The following IGF1R variants were observed in gnomAD, a reference collection of about 807,000 sequenced individuals.
IGF1R encodes the protein insulin-like growth factor 1 receptor.
In IGF1R, 44 loss-of-function variants were observed where a neutral mutation model predicts 144.6. The ratio of observed to expected loss-of-function variants is 0.30; its 90% CI spans 0.24 to 0.39. The LOEUF (loss-of-function observed/expected upper bound fraction) is 0.39. IGF1R is among the 10% of genes least tolerant of loss of function. The pLI, the probability that IGF1R is intolerant of heterozygous loss-of-function variation, is 1.00. For missense variants in IGF1R, 1,355 were observed against 1,833.7 expected, an observed-to-expected ratio of 0.74 and a Z score of 4.77; for synonymous variants, 795 against 722.8, an observed-to-expected ratio of 1.10 and a Z score of -1.60.
At chr15:98,665,965 A>G (rs2052727812) in intron 1 of IGF1R, among the ~76,000 whole-genome samples, 1 of 152,226 alleles carries the variant, frequency 6.6e-6, no homozygotes. Context: ...TTGCAAGGAA[A>G]ACAAAAGTGT....
intron 1 of IGF1R, among the ~76,000 whole-genome samples, chr15:98,656,827 G>A (rs4966007): frequency 0.3 from 46,067 of 152,016 alleles, 8,287 homozygotes; most frequent in Non-Finnish European, 0.39. Flanking sequence ...CAAATTCTGC[G>A]AGTTTGAAAT....
At chr15:98,760,882 GC>G (rs1837748608) in intron 2 of IGF1R, among the ~76,000 whole-genome samples, 1 of 152,262 alleles carries the variant, frequency 6.6e-6, no homozygotes, top group East Asian at 1.9e-4. Flanking sequence ...TGGGAAAGGA[GC>G]TGTCGCTCAG....
In IGF1R at chr15:98,704,822, A is replaced by G. The variant is rs527456254; in HGVS notation, c.95-2740A>G. Among the ~76,000 whole-genome samples the G allele has an allele frequency of 6.6e-6, 1 of 152,126 alleles. No homozygotes were observed. On this transcript the variant is annotated intron_variant, in intron 1 of 20. Coordinates refer to ENST00000650285, the MANE Select transcript of IGF1R (RefSeq NM_000875.5). This position sits in a 1 kb window ranked among gnomAD's most constrained non-coding sequence, Gnocchi z 4.9. ...ACAGGGAGGAAAGACGTGGGGCAGC[A>G]TTGTGGGAAGAGCAACCAAGATTCT...
intron 2 of IGF1R, among the ~76,000 whole-genome samples, chr15:98,887,161 C>T (rs2013680450): frequency 6.6e-6 from 1 of 152,038 alleles, no homozygotes. Flanking sequence ...AAATAGCTCC[C>T]ACCACCGAAA....
chr15:98,681,191 TG>T (rs2053180570), intron 1 of IGF1R, among the ~76,000 whole-genome samples: 1 of 152,200 alleles, frequency 6.6e-6, no homozygotes. Flanking sequence ...ACTTTGGTTA[TG>T]TTAGGATTCT....
chr15:98,774,605 A>G (rs1448944588), intron 2 of IGF1R, among the ~76,000 whole-genome samples: 2 of 151,812 alleles, frequency 1.3e-5, no homozygotes, highest in Non-Finnish European at 2.9e-5. Context: ...CAAAAGGACA[A>G]ATACTCTATG....
intron 1 of IGF1R, among the ~76,000 whole-genome samples, chr15:98,683,548 A>C (rs751416346): frequency 1.3e-5 from 2 of 152,236 alleles, no homozygotes; most frequent in Non-Finnish European, 2.9e-5. Flanking sequence ...ATCTTAGCTC[A>C]GCTTAGTGTA....
At chr15:98,858,138 A>G (rs927802256) in intron 2 of IGF1R, among the ~76,000 whole-genome samples, 1 of 152,386 alleles carries the variant, frequency 6.6e-6, no homozygotes, top group East Asian at 1.9e-4. Flanking sequence ...TCAAGTGGCT[A>G]TCAATTCATG....
chr15:98,960,218 C>T lies in IGF1R; in HGVS notation c.*2776C>T, dbSNP rs2017169655. On this transcript the variant is annotated 3_prime_UTR_variant, in exon 21 of 21. Coordinates refer to ENST00000650285, the MANE Select transcript of IGF1R (RefSeq NM_000875.5). ...GGGAAGCCAGGCTGTATTCCGGGGT[C>T]AAAGCAACACTAACTCACCTCTCTG... is the stretch of plus-strand genomic sequence containing the variant. The T allele has an allele frequency of 4.3e-6, 1 of 233,566 alleles. No homozygotes were observed. The highest frequency in any genetic ancestry group is 2.2e-5 in the African/African-American group (1 of 45,364). The allele number at this position is 233,566 out of a possible 1,614,324, so 14.5% of individuals were successfully genotyped here.
chr15:98,674,697 T>C (rs893657728), intron 1 of IGF1R, among the ~76,000 whole-genome samples: 2 of 152,228 alleles, frequency 1.3e-5, no homozygotes, highest in African/African-American at 4.8e-5. Context: ...AGAAGAAAAT[T>C]AGAAAATAAG....
At chr15:98,709,949 G>C (rs2053954239) in intron 2 of IGF1R, among the ~76,000 whole-genome samples, 1 of 152,198 alleles carries the variant, frequency 6.6e-6, no homozygotes. Flanking sequence ...CTGGGGTAGG[G>C]GTGAGGCCTG....
At position 98,752,991 on chromosome 15, in the gene IGF1R, A is replaced by G. The variant is rs183249636; in HGVS notation, c.640+44884A>G. On this transcript the variant is annotated intron_variant, in intron 2 of 20. Transcript: ENST00000650285. ...TGCTGTGTTGCCCAGGCTGGAGTGCAGTGACATGATCTTGGCTCACTGCAA... is the reference window on the plus strand; with the variant it reads ...TGCTGTGTTGCCCAGGCTGGAGTGCGGTGACATGATCTTGGCTCACTGCAA... Among the ~76,000 whole-genome samples the G allele has an allele frequency of 4.0e-3, 563 of 140,262 alleles. 3 individuals carry two copies. Among genetic ancestry groups the G allele is most frequent in the African/African-American group, 0.014 (531 of 37,434 alleles). The allele number at this position is 140,262 out of a possible 152,430, so 92.0% of individuals were successfully genotyped here. A position where few individuals can be genotyped will look rare whatever the true frequency, so the allele number is the denominator to read the frequency against.
chr15:98,665,363 C>T (rs754323899), intron 1 of IGF1R, among the ~76,000 whole-genome samples: 6 of 152,172 alleles, frequency 3.9e-5, no homozygotes, highest in Non-Finnish European at 5.9e-5. Context: ...CATCTGCCTC[C>T]GTTTGAAGCA....
intron 6 of IGF1R, among the ~76,000 whole-genome samples, chr15:98,910,198 GC>G (rs973345896): frequency 2.0e-5 from 3 of 152,054 alleles, no homozygotes; most frequent in Admixed American, 6.6e-5. Context: ...GCCGCCTCCC[GC>G]CCCCTGCTCA....
At chr15:98,867,533 G>A (rs923539938) in intron 2 of IGF1R, among the ~76,000 whole-genome samples, 1 of 152,068 alleles carries the variant, frequency 6.6e-6, no homozygotes, top group Admixed American at 6.5e-5. Flanking sequence ...TGGGCCTCTT[G>A]GCTGGAAGTG....
intron 3 of IGF1R, among the ~76,000 whole-genome samples, chr15:98,894,043 C>G (rs1371237041): frequency 1.3e-5 from 2 of 152,138 alleles, no homozygotes; most frequent in Non-Finnish European, 2.9e-5. Flanking sequence ...GACTCCTAGA[C>G]TTTTTACCAA....
intron 2 of IGF1R, among the ~76,000 whole-genome samples, chr15:98,774,349 T>G (rs1039712318): frequency 6.6e-6 from 1 of 152,176 alleles, no homozygotes; most frequent in African/African-American, 2.4e-5. Context: ...GGGAACATAT[T>G]GCAAATTTCC....
At chr15:98,684,423 C>T (rs2053271978) in intron 1 of IGF1R, among the ~76,000 whole-genome samples, 2 of 142,720 alleles carry the variant, frequency 1.4e-5, no homozygotes, top group South Asian at 2.2e-4. Context: ...GGGGTGTGGG[C>T]GGATGAATAT....
chr15:98,654,437 CTTAG>C (rs1042555718), intron 1 of IGF1R, among the ~76,000 whole-genome samples: 2 of 152,254 alleles, frequency 1.3e-5, no homozygotes, highest in East Asian at 1.9e-4. Context: ...TTACATATTG[CTTAG>C]TTAGCTTTCT....
Sources: gnomAD v4.1 joint callset for allele counts (sites outside exome capture counted in the v4.1 genomes callset) on GRCh38, gnomAD v4.1.1 for gene constraint, Gnocchi (gnomAD v3.1) non-coding constraint, MANE v1.5 for transcripts, NCBI Gene and HGNC (gene_info 2026-07-23, HGNC 2026-07-21) for gene names.